The following RARB variants were observed in gnomAD, a reference collection of about 807,000 sequenced individuals.
RARB encodes HBV-activated protein.
RARB carries 17 observed loss-of-function variants against 51.9 expected under a neutral mutation model. That is an observed-to-expected ratio of 0.33 (90% CI 0.22 to 0.49). The LOEUF (loss-of-function observed/expected upper bound fraction) is 0.49, where lower values mean the gene tolerates loss of function less well. Among genes scored for constraint, RARB ranks in the 20% least tolerant of loss-of-function variants. RARB has a pLI of 0.99. For missense variants in RARB, 369 were observed against 550.8 expected, an observed-to-expected ratio of 0.67 and a Z score of 3.30; for synonymous variants, 215 against 195.4, an observed-to-expected ratio of 1.10 and a Z score of -0.84.
chr3:25,345,430 G>A (rs1485660251), intron 5 of RARB, among the ~76,000 whole-genome samples: 1 of 152,122 alleles, frequency 6.6e-6, no homozygotes, highest in African/African-American at 2.4e-5. Context: ...ACTTTGGGAG[G>A]CTGAGGTGGG....
At chr3:25,081,780 C>T (rs772377760) in intron 3 of RARB, among the ~76,000 whole-genome samples, 1 of 149,574 alleles carries the variant, frequency 6.7e-6, no homozygotes. Flanking sequence ...TTACAGGTGC[C>T]CACCAGCTCG....
In RARB at chr3:25,149,424, A is replaced by G. The variant is rs367544027; in HGVS notation, c.-280+17216A>G. 2.7e-3 allele frequency among the ~76,000 whole-genome samples: 413 copies of G among 152,362 alleles called. 3 individuals are homozygous for G. Among genetic ancestry groups the G allele is most frequent in the African/African-American group, 9.5e-3 (397 of 41,582 alleles). On this transcript the variant is annotated intron_variant, in intron 4 of 11. Transcript: ENST00000383772. ...AATAAAGAGCATATATGCTAACCAT[A>G]GTTCTACCAGAAAATGTGATTGTGG... is the stretch of plus-strand genomic sequence containing the variant.
At chr3:25,039,048 T>C (rs1199823229) in intron 2 of RARB, among the ~76,000 whole-genome samples, 5 of 152,228 alleles carry the variant, frequency 3.3e-5, no homozygotes, top group African/African-American at 1.2e-4. Context: ...CTGAAGTTAT[T>C]TGTTGACATA....
Position 25,444,943 on chromosome 3 carries a change from C to G in RARB, c.157+16055C>G, listed in dbSNP as rs191330157. On this transcript the variant is annotated intron_variant, in intron 1 of 7. Transcript: ENST00000330688. ...GTTAGCTGGAGAAATGAATGAACAC[C>G]TCTTTTCTTTTTTCTTTTTTTTTGG... Among the ~76,000 whole-genome samples the G allele has an allele frequency of 2.3e-3, 344 of 152,034 alleles. 2 individuals carry two copies. The highest frequency in any genetic ancestry group is 7.5e-3 in the African/African-American group (311 of 41,470).
chr3:25,466,754 G>T (rs1186130001), intron 2 of RARB, among the ~76,000 whole-genome samples: 1 of 152,156 alleles, frequency 6.6e-6, no homozygotes, highest in African/African-American at 2.4e-5. Flanking sequence ...GGCTTTGAGG[G>T]CTATGTGGTC....
intron 2 of RARB, among the ~76,000 whole-genome samples, chr3:25,036,916 A>G (rs1698007395): frequency 6.6e-6 from 1 of 152,146 alleles, no homozygotes; most frequent in African/African-American, 2.4e-5. Flanking sequence ...AACCTATGGT[A>G]CTTTCAAGGT....
At chr3:25,301,319 C>A (rs986196534) in intron 5 of RARB, among the ~76,000 whole-genome samples, 1 of 152,162 alleles carries the variant, frequency 6.6e-6, no homozygotes, top group South Asian at 2.1e-4. Flanking sequence ...TGCATATCTT[C>A]TGTAGGAGGA....
chr3:25,467,106 C>G (rs577101664), intron 2 of RARB, among the ~76,000 whole-genome samples: 1 of 152,328 alleles, frequency 6.6e-6, no homozygotes, highest in East Asian at 1.9e-4. Context: ...CCCTTCCAAT[C>G]ACACTCAAAT....
At chr3:25,024,328 T>G (rs1697698893) in intron 2 of RARB, among the ~76,000 whole-genome samples, 1 of 152,210 alleles carries the variant, frequency 6.6e-6, no homozygotes, top group Non-Finnish European at 1.5e-5. Context: ...TTAATAAAAC[T>G]ATCAGAATAC....
intron 2 of RARB, 60 bp downstream of exon 2, chr3:25,461,401 G>A (rs1695173255): frequency 1.3e-6 from 2 of 1,554,540 alleles, no homozygotes; most frequent in Middle Eastern, 1.7e-4. Context: ...TTATGGAGGT[G>A]ACCTACCCAG....
At chr3:25,457,489 G>A (rs78512285) in intron 1 of RARB, among the ~76,000 whole-genome samples, 8,522 of 152,182 alleles carry the variant, frequency 0.056, 356 homozygotes, top group Admixed American at 0.13. Flanking sequence ...GAACATTTTC[G>A]TTCATGGCAA....
intron 2 of RARB, among the ~76,000 whole-genome samples, chr3:25,498,378 C>T (rs1383200291): frequency 6.6e-6 from 1 of 152,124 alleles, no homozygotes; most frequent in Non-Finnish European, 1.5e-5. Context: ...TGATGCAAAC[C>T]TCTATTCGGC....
At chr3:25,342,937 T>C (rs1041602286) in intron 5 of RARB, among the ~76,000 whole-genome samples, 1 of 151,748 alleles carries the variant, frequency 6.6e-6, no homozygotes, top group African/African-American at 2.4e-5. Flanking sequence ...GAAAAAGAGA[T>C]GCCAGAGCTC....
intron 5 of RARB, among the ~76,000 whole-genome samples, chr3:25,292,323 G>A (rs896156979): frequency 1.3e-5 from 2 of 152,116 alleles, no homozygotes; most frequent in African/African-American, 4.8e-5. Context: ...CCCACATTGA[G>A]CAAGTCCTCC....
rs188187726 is a variant in RARB, at chr3:24,903,459, G to A, written c.-380+44707G>A. Among the ~76,000 whole-genome samples, 469 of 152,110 alleles carry A rather than the reference G, an allele frequency of 3.1e-3. 3 individuals carry two copies. Among genetic ancestry groups the A allele is most frequent in the African/African-American group, 0.011 (448 of 41,518 alleles). Reference sequence around the variant, plus strand: ...TTAAAAGTTCTTTCTTTATATATTTGTAATCACAATATATTTGTACTTGTC... The same window carrying A: ...TTAAAAGTTCTTTCTTTATATATTTATAATCACAATATATTTGTACTTGTC... On this transcript the variant is annotated intron_variant, in intron 2 of 11. Transcript: ENST00000383772.
intron 2 of RARB, among the ~76,000 whole-genome samples, chr3:25,488,303 C>T (rs2125589368): frequency 6.6e-6 from 1 of 152,282 alleles, no homozygotes; most frequent in South Asian, 2.1e-4. Flanking sequence ...AGGAAGAAGG[C>T]CAGCCATGTC....
At chr3:24,919,166 T>C (rs1695165962) in intron 2 of RARB, among the ~76,000 whole-genome samples, 1 of 152,192 alleles carries the variant, frequency 6.6e-6, no homozygotes, top group South Asian at 2.1e-4. Context: ...AAGTGTCAAC[T>C]CCTACTACTA....
intron 4 of RARB, among the ~76,000 whole-genome samples, chr3:25,160,764 A>G (rs773487523): frequency 7.9e-5 from 12 of 152,186 alleles, no homozygotes; most frequent in Non-Finnish European, 1.6e-4. Context: ...AGGTGCCGCC[A>G]TGGTTCGTTC....
intron 2 of RARB, among the ~76,000 whole-genome samples, chr3:25,468,589 G>A (rs1695549408): frequency 6.6e-6 from 1 of 151,968 alleles, no homozygotes; most frequent in African/African-American, 2.4e-5. Flanking sequence ...GCCACACTTA[G>A]ACAGAAGGTC....
Sources: gnomAD v4.1 joint callset for allele counts (sites outside exome capture counted in the v4.1 genomes callset) on GRCh38, gnomAD v4.1.1 for gene constraint, MANE v1.5 for transcripts, NCBI Gene and HGNC (gene_info 2026-07-23, HGNC 2026-07-21) for gene names.